Variants in CBFA2T3 observed in about 807,000 individuals in gnomAD.
CBFA2T3 encodes CBFA2/RUNX1 partner transcriptional co-repressor 3.
Under a neutral mutation model 58.6 loss-of-function variants are expected in CBFA2T3, and 31 were observed. The ratio of observed to expected loss-of-function variants is 0.53; its 90% confidence interval spans 0.40 to 0.71. The LOEUF (loss-of-function observed/expected upper bound fraction) is 0.71, where lower values mean the gene tolerates loss of function less well. CBFA2T3 is among the 30% of genes least tolerant of loss of function. CBFA2T3 has a pLI of 0.00. For missense variants in CBFA2T3, 1,076 were observed against 963.1 expected (o/e 1.12, Z -1.55); for synonymous variants, 531 against 421.9 (o/e 1.26, Z -3.17).
chr16:88,882,117 G>T (rs765448327), intron 8 of CBFA2T3, among the ~76,000 whole-genome samples: 2 of 152,232 alleles, frequency 1.3e-5, no homozygotes, highest in African/African-American at 2.4e-5. Flanking sequence ...CCTGGGCTGC[G>T]CTGACAGCTG....
chr16:88,966,340 A>G (rs4782340), intron 1 of CBFA2T3, among the ~76,000 whole-genome samples: 118,662 of 152,114 alleles, frequency 0.78, 46,495 homozygotes, highest in Middle Eastern at 0.84. Flanking sequence ...GTGCCGGGGT[A>G]GGGGGGTGGC....
At chr16:88,924,632 C>A (rs1039274195) in intron 1 of CBFA2T3, among the ~76,000 whole-genome samples, 6 of 152,192 alleles carry the variant, frequency 3.9e-5, no homozygotes, top group Non-Finnish European at 5.9e-5. Context: ...ACAGGACAAG[C>A]CTTGTGGCTC....
chr16:88,885,024 C>T lies in CBFA2T3; in HGVS notation c.1117+22G>A, dbSNP rs1277980020. 2 of 1,563,720 alleles carry T rather than the reference C, an allele frequency of 1.3e-6. No homozygotes were observed. Among genetic ancestry groups the T allele is most frequent in the East Asian group, 2.3e-5 (1 of 44,040 alleles). ...TGCTCCTGTAACACGCGTCCACGCT[C>T]CCGCCCCACCGGGCTGCTCACCAAG... On this transcript the variant is annotated intron_variant, in intron 7 of 11. Coordinates refer to ENST00000268679, the MANE Select transcript of CBFA2T3 (RefSeq NM_005187.6). This position sits in a 1 kb window ranked among gnomAD's most constrained non-coding sequence, Gnocchi z 5.3.
intron 1 of CBFA2T3, among the ~76,000 whole-genome samples, chr16:88,971,743 C>T (rs1972661155): frequency 6.6e-6 from 1 of 152,250 alleles, no homozygotes; most frequent in Non-Finnish European, 1.5e-5. Flanking sequence ...CCCTGCTTCT[C>T]TCCAGCTGCC....
intron 1 of CBFA2T3, among the ~76,000 whole-genome samples, chr16:88,970,677 C>T (rs898355449): frequency 1.6e-4 from 25 of 152,230 alleles, no homozygotes; most frequent in African/African-American, 6.0e-4. Flanking sequence ...AGGATGCACA[C>T]AGCCAAGTAA....
chr16:88,965,529 G>A (rs1393168079), intron 1 of CBFA2T3, among the ~76,000 whole-genome samples: 1 of 152,248 alleles, frequency 6.6e-6, no homozygotes, highest in Non-Finnish European at 1.5e-5. Flanking sequence ...TACAACCCAG[G>A]GGGCTAGGTC....
chr16:88,905,205 C>A (rs1970261344), intron 1 of CBFA2T3, among the ~76,000 whole-genome samples: 1 of 152,166 alleles, frequency 6.6e-6, no homozygotes, highest in African/African-American at 2.4e-5. Context: ...GGGGCGGGCA[C>A]ATCGTCTCTC....
chr16:88,954,588 CGCCCA>C (rs1972168872), intron 1 of CBFA2T3, among the ~76,000 whole-genome samples: 4 of 54,352 alleles, frequency 7.4e-5, no homozygotes, highest in African/African-American at 9.0e-5. Flanking sequence ...CTCCTGACCC[CGCCCA>C]AGGCTCCTGA....
intron 1 of CBFA2T3, among the ~76,000 whole-genome samples, chr16:88,974,855 G>A (rs537308707): frequency 3.6e-4 from 55 of 152,232 alleles, no homozygotes; most frequent in Non-Finnish European, 3.4e-4. Flanking sequence ...TGTCCCCTGG[G>A]GGCCTTGGGA....
intron 1 of CBFA2T3, among the ~76,000 whole-genome samples, chr16:88,915,093 C>T (rs975451282): frequency 1.2e-4 from 18 of 151,320 alleles, no homozygotes; most frequent in Non-Finnish European, 1.5e-5. Flanking sequence ...CGGGTCCCTT[C>T]TCTTGTCTCC....
At chr16:88,930,386 C>T (rs112864479) in intron 1 of CBFA2T3, among the ~76,000 whole-genome samples, 2,589 of 151,906 alleles carry the variant, frequency 0.017, 209 homozygotes, top group African/African-American at 0.06. Flanking sequence ...GCATCGTCCA[C>T]GCAAAAGCTA....
intron 1 of CBFA2T3, among the ~76,000 whole-genome samples, chr16:88,925,568 C>G (rs551966222): frequency 6.6e-6 from 1 of 152,206 alleles, no homozygotes. Flanking sequence ...CAGGCAGTCA[C>G]TTTGCAGTGG....
intron 1 of CBFA2T3, among the ~76,000 whole-genome samples, chr16:88,963,634 C>T (rs561414254): frequency 9.2e-5 from 14 of 152,366 alleles, no homozygotes; most frequent in East Asian, 7.7e-4. Context: ...AGACCGTATG[C>T]GGCCTCTTGG....
chr16:88,880,885 T>A, intron 9 of CBFA2T3, 97 bp from the exon 10 acceptor site: 1 of 1,137,598 alleles, frequency 8.8e-7, no homozygotes, highest in Non-Finnish European at 1.3e-6. Context: ...GTGCAGGGCG[T>A]GAGTGTGTGC....
intron 1 of CBFA2T3, among the ~76,000 whole-genome samples, chr16:88,926,070 C>A (rs1416344006): frequency 6.6e-6 from 1 of 152,196 alleles, no homozygotes; most frequent in African/African-American, 2.4e-5. Context: ...GCAGGGAGCA[C>A]TTGGTGGGCG....
intron 1 of CBFA2T3, among the ~76,000 whole-genome samples, chr16:88,903,162 G>A (rs947356389): frequency 6.6e-5 from 10 of 152,244 alleles, no homozygotes; most frequent in Non-Finnish European, 1.2e-4. Flanking sequence ...CCACGGCCAC[G>A]CGGACTCTGT....
chr16:88,965,088 TATCCATCCATCCATCC>T (rs1192246574), intron 1 of CBFA2T3, among the ~76,000 whole-genome samples: 5 of 132,992 alleles, frequency 3.8e-5, no homozygotes, highest in South Asian at 2.5e-4. Flanking sequence ...CCCACCCATC[TATCCATCCATCCATCC>T]ATCCATCCAT....
intron 1 of CBFA2T3, chr16:88,938,473 C>G (rs1567622227): frequency 6.6e-6 from 1 of 152,316 alleles, no homozygotes; most frequent in Non-Finnish European, 1.5e-5. Context: ...GGGGAACGCT[C>G]CACGGCCCTC....
At chr16:88,894,788 AGCCGTGTGTTC>A (rs1308546357) in intron 3 of CBFA2T3, among the ~76,000 whole-genome samples, 2 of 152,260 alleles carry the variant, frequency 1.3e-5, no homozygotes, top group Non-Finnish European at 1.5e-5. Flanking sequence ...CCGAGGCCCC[AGCCGTGTGTTC>A]GCACCTGTGG....
Sources: gnomAD v4.1 joint callset for allele counts (sites outside exome capture counted in the v4.1 genomes callset) on GRCh38, gnomAD v4.1.1 for gene constraint, Gnocchi (gnomAD v3.1) non-coding constraint, MANE v1.5 for transcripts, NCBI Gene and HGNC (gene_info 2026-07-23, HGNC 2026-07-21) for gene names.